Variants in STK24 observed in about 807,000 individuals in gnomAD.
The protein encoded by STK24 is serine/threonine kinase 24, also known as serine/threonine-protein kinase 24.
STK24 carries 21 observed loss-of-function variants against 55.6 expected under a neutral mutation model. The observed-to-expected ratio is 0.38, with a 90% confidence interval of 0.27 to 0.54. The LOEUF is 0.54. STK24 is among the 20% of genes least tolerant of loss of function. The pLI, the probability that STK24 is intolerant of heterozygous loss-of-function variation, is 0.79. For missense variants in STK24, 383 were observed against 538.4 expected (o/e 0.71, Z 2.86); for synonymous variants, 200 against 215.2 (o/e 0.93, Z 0.62).
In STK24 at chr13:98,448,095, G is replaced by A. The variant is rs552672648; in HGVS notation, c.*5078C>T. On this transcript the variant is annotated 3_prime_UTR_variant, in exon 11 of 11. Transcript: ENST00000539966. ...CCTCAGGAACGCCTGGGTGCTGGCT[G>A]TTCCCTTGCTCTTCTGCTGAAGTGG... is the stretch of plus-strand genomic sequence containing the variant. The A allele has an allele frequency of 3.5e-5, 25 of 705,130 alleles. No individual in the cohort carries two copies. The African/African-American group carries it at 3.8e-4, about 11-fold the overall frequency. The allele number at this position is 705,130 out of a possible 1,614,324, so 43.7% of individuals were successfully genotyped here.
intron 1 of STK24, among the ~76,000 whole-genome samples, chr13:98,563,496 C>T (rs1159888493): frequency 6.6e-6 from 1 of 152,176 alleles, no homozygotes; most frequent in African/African-American, 2.4e-5. Context: ...AACTCCTCTT[C>T]CTGATGTGGT....
In STK24 at chr13:98,448,253, G is replaced by C; in HGVS notation, c.*4920C>G. On this transcript the variant is annotated 3_prime_UTR_variant, in exon 11 of 11. Coordinates refer to ENST00000539966, the MANE Select transcript of STK24 (RefSeq NM_001032296.4). ...TGTTGCAGGTGGATGGAAGTGATCC[G>C]CAGTGCCACCAGCTCTGCCTCGCGA... The C allele has an allele frequency of 1.2e-6, 2 of 1,613,930 alleles. No homozygotes were observed. The highest frequency in any genetic ancestry group is 1.7e-6 in the Non-Finnish European group (2 of 1,179,816).
chr13:98,543,165 A>G (rs1263988778), intron 1 of STK24: 2 of 270,240 alleles, frequency 7.4e-6, no homozygotes, highest in African/African-American at 4.6e-5. Flanking sequence ...TCTCTATCCA[A>G]GTGTCCCCAC....
intron 1 of STK24, among the ~76,000 whole-genome samples, chr13:98,566,108 C>G (rs1236433179): frequency 6.6e-6 from 1 of 152,238 alleles, no homozygotes; most frequent in Non-Finnish European, 1.5e-5. Flanking sequence ...AGCTGCCCAC[C>G]TTGCTGTGCC....
chr13:98,538,847 C>T (rs1896806687), intron 1 of STK24, among the ~76,000 whole-genome samples: 1 of 152,220 alleles, frequency 6.6e-6, no homozygotes, highest in South Asian at 2.1e-4. Flanking sequence ...TTTCTTGCTC[C>T]TCGGTGAGGC....
Position 98,535,373 on chromosome 13 carries a change from ATATAT to A in STK24, c.43-15905_43-15901del, listed in dbSNP as rs1566392116. Reference sequence around the variant, plus strand: ...ACAAACAAACAAACAAAAAAAAAATATATATATATATATATATGTGTGTATACACA... The same window carrying A: ...ACAAACAAACAAACAAAAAAAAAATAATATATATATATGTGTGTATACACA... On this transcript the variant is annotated intron_variant, in intron 1 of 10. Transcript: ENST00000539966. Among the ~76,000 whole-genome samples the A allele has an allele frequency of 9.6e-4, 22 of 22,938 alleles. 1 individual carries two copies. Among genetic ancestry groups the A allele is most frequent in the African/African-American group, 2.4e-3 (21 of 8,588 alleles). The allele number at this position is 22,938 out of a possible 152,430, so 15.0% of individuals were successfully genotyped here. A position where few individuals can be genotyped will look rare whatever the true frequency, so the allele number is the denominator to read the frequency against.
intron 2 of STK24, among the ~76,000 whole-genome samples, chr13:98,489,425 G>A (rs1894934443): frequency 6.6e-6 from 1 of 152,194 alleles, no homozygotes; most frequent in African/African-American, 2.4e-5. Context: ...GCTCACAGAC[G>A]CTAGGATTTC....
chr13:98,542,014 A>T (rs1896901180), intron 1 of STK24, among the ~76,000 whole-genome samples: 1 of 152,216 alleles, frequency 6.6e-6, no homozygotes, highest in Non-Finnish European at 1.5e-5. Context: ...AACACAAGTG[A>T]GTCAAAGCTC....
rs1425810158 is a variant in STK24 at position 98,492,078 on chromosome 13, T to C, written c.274-9757A>G. On this transcript the variant is annotated intron_variant, in intron 2 of 10. Transcript: ENST00000539966. Reference sequence around the variant, plus strand: ...TCACCTCCTTTAAAGTGCGTGCGCGTGTGTGTGTGTGTGTGTGTGTGTGTG... The same window carrying C: ...TCACCTCCTTTAAAGTGCGTGCGCGCGTGTGTGTGTGTGTGTGTGTGTGTG... Among the ~76,000 whole-genome samples the C allele has an allele frequency of 1.0e-3, 14 of 13,526 alleles. No homozygotes were observed. The East Asian group carries it at 0.013, about 13-fold the overall frequency. The allele number at this position is 13,526 out of a possible 152,430, so 8.9% of individuals were successfully genotyped here. A position where few individuals can be genotyped will look rare whatever the true frequency, so the allele number is the denominator to read the frequency against.
Position 98,446,421 on chromosome 13 carries a change from G to GT in STK24, c.*6751_*6752insA. The GT allele has an allele frequency of 1.7e-6, 1 of 601,808 alleles. No individual in the cohort carries two copies. The highest frequency in any genetic ancestry group is 2.0e-5 in the South Asian group (1 of 49,728). 37.3% of individuals were successfully genotyped at this position (601,808 alleles called of 1,614,324 possible). A position where few individuals can be genotyped will look rare whatever the true frequency, so the allele number is the denominator to read the frequency against. Reference sequence around the variant, plus strand: ...TGAAGGACAACTTCTGCCCTAGGAAGGGCCACCTGTCTTCTGCCTGGACAA... The same window carrying GT: ...TGAAGGACAACTTCTGCCCTAGGAAGTGGCCACCTGTCTTCTGCCTGGACAA... On this transcript the variant is annotated 3_prime_UTR_variant, in exon 11 of 11. Coordinates refer to ENST00000539966, the MANE Select transcript of STK24 (RefSeq NM_001032296.4).
chr13:98,558,558 C>T (rs1897333710), intron 1 of STK24, among the ~76,000 whole-genome samples: 1 of 152,212 alleles, frequency 6.6e-6, no homozygotes, highest in South Asian at 2.1e-4. Context: ...AAAACTCCTC[C>T]TCCTCCTCCA....
intron 1 of STK24, among the ~76,000 whole-genome samples, chr13:98,558,920 T>G (rs1289062203): frequency 6.8e-6 from 1 of 147,214 alleles, no homozygotes; most frequent in East Asian, 2.0e-4. Flanking sequence ...ATCCCAGCAC[T>G]TTAGGAGGCT....
At chr13:98,515,443 C>A (rs1335223915) in intron 2 of STK24, among the ~76,000 whole-genome samples, 1 of 151,880 alleles carries the variant, frequency 6.6e-6, no homozygotes, top group Non-Finnish European at 1.5e-5. Context: ...ACTGAAACTA[C>A]AACGGGTGAA....
chr13:98,499,010 G>A (rs1368516098), intron 2 of STK24, among the ~76,000 whole-genome samples: 2 of 151,948 alleles, frequency 1.3e-5, no homozygotes, highest in Admixed American at 6.5e-5. Flanking sequence ...ACTTTGGGAG[G>A]CTGAAGCGGG....
intron 1 of STK24, among the ~76,000 whole-genome samples, chr13:98,524,037 C>T (rs1896348343): frequency 6.6e-6 from 1 of 152,128 alleles, no homozygotes; most frequent in Admixed American, 6.5e-5. Flanking sequence ...GAGCTGGCAG[C>T]CCGTCCACAC....
chr13:98,553,569 T>G (rs1897209079), intron 1 of STK24: 1 of 165,226 alleles, frequency 6.1e-6, no homozygotes, highest in Non-Finnish European at 1.4e-5. Flanking sequence ...CACCCAAAAT[T>G]CAAAGAAAAC....
chr13:98,509,795 G>C (rs1360871255), intron 2 of STK24, among the ~76,000 whole-genome samples: 2 of 151,916 alleles, frequency 1.3e-5, no homozygotes, highest in Non-Finnish European at 2.9e-5. Context: ...AGAGCCCCAC[G>C]CCCTGTTCCC....
intron 10 of STK24, chr13:98,455,738 TAAAC>T (rs1453510096): frequency 1.3e-5 from 2 of 152,230 alleles, no homozygotes; most frequent in Admixed American, 1.3e-4. Flanking sequence ...GTCACGTATA[TAAAC>T]AAACAGTTCA....
intron 2 of STK24, among the ~76,000 whole-genome samples, chr13:98,492,741 A>G (rs1895088997): frequency 6.6e-6 from 1 of 152,218 alleles, no homozygotes; most frequent in Non-Finnish European, 1.5e-5. Context: ...ATACTGTACT[A>G]AATACTTCAT....
Sources: gnomAD v4.1 joint callset for allele counts (sites outside exome capture counted in the v4.1 genomes callset) on GRCh38, gnomAD v4.1.1 for gene constraint, MANE v1.5 for transcripts, NCBI Gene and HGNC (gene_info 2026-07-23, HGNC 2026-07-21) for gene names.